LSM2: variants seen among roughly 807,000 people sequenced by gnomAD.
LSM2 encodes the protein LSM2 homolog, U6 small nuclear RNA and mRNA degradation associated, also known as U6 snRNA-associated Sm-like protein LSm2.
Under a neutral mutation model 17.0 loss-of-function variants are expected in LSM2, and 12 were observed. The ratio of observed to expected loss-of-function variants is 0.70; its 90% CI spans 0.45 to 1.14. LSM2 has a LOEUF of 1.14. Ranked by LOEUF, LSM2 falls within the 50% of genes most tolerant of loss-of-function variation. The probability of loss-of-function intolerance (pLI) is 0.00; values close to 1 mark genes in which losing one functional copy is unlikely to be tolerated. For missense variants in LSM2, 62 were observed against 111.8 expected (o/e 0.55, Z 2.01); for synonymous variants, 42 against 44.5 (o/e 0.94, Z 0.22).
rs984587744 is a variant in LSM2 at position 31,797,792 on chromosome 6, C to T, written c.253G>A (p.Ala85Thr). The T allele has an allele frequency of 2.5e-6, 4 of 1,612,920 alleles. No homozygotes were observed. The South Asian group carries it at 4.4e-5, about 18-fold the overall frequency. Reference protein sequence around the residue: ...DEVDTQLLQDAARKEALQQKQ With the variant: ...DEVDTQLLQDTARKEALQQKQ ...TGCTGCAGGGCTTCCTTCCTTGCCG[C>T]ATCCTGTAGCAACTGTGTGTCGACC... Residue 85 changes from alanine to threonine, a missense_variant, in exon 5 of 5, where the codon GCG becomes ACG. Physicochemically the swap from Ala to Thr is moderately conservative, Grantham distance 58. Coordinates refer to ENST00000375661, the MANE Select transcript of LSM2 (RefSeq NM_021177.5).
chr6:31,806,860 G>A lies in LSM2; in HGVS notation c.-103C>T, dbSNP rs1274648070. ...CGAGCCCGCGCGTGGGGCGAGGCGGGACCGCGCAGGCGCAGCGGGAAGCGA... is the reference window on the plus strand; with the variant it reads ...CGAGCCCGCGCGTGGGGCGAGGCGGAACCGCGCAGGCGCAGCGGGAAGCGA... On this transcript the variant is annotated 5_prime_UTR_variant, in exon 1 of 5. Transcript: ENST00000375661. 3 of 1,417,968 alleles carry A rather than the reference G, an allele frequency of 2.1e-6. No homozygotes were observed. Among genetic ancestry groups the A allele is most frequent in the East Asian group, 2.5e-5 (1 of 40,176 alleles). 87.8% of individuals were successfully genotyped at this position (1,417,968 alleles called of 1,614,324 possible). A position where few individuals can be genotyped will look rare whatever the true frequency, so the allele number is the denominator to read the frequency against.
chr6:31,804,308 C>T (rs1214280625), intron 2 of LSM2, among the ~76,000 whole-genome samples: 1 of 149,044 alleles, frequency 6.7e-6, no homozygotes, highest in Non-Finnish European at 1.5e-5. Context: ...TGCAGTGAGC[C>T]GAGATTACGC....
Position 31,806,139 on chromosome 6 carries a change from A to G in LSM2, c.7T>C (p.Phe3Leu). 1 of 1,612,884 alleles carries G rather than the reference A, an allele frequency of 6.2e-7. No homozygotes were observed. Among genetic ancestry groups the G allele is most frequent in the Non-Finnish European group, 8.5e-7 (1 of 1,179,878 alleles). The change falls in exon 2 of 5, where the codon TTC (phenylalanine) becomes CTC (leucine). Residue 3 changes from phenylalanine to leucine, a missense_variant. Phe to Leu is a conservative substitution (Grantham distance 22). Transcript: ENST00000375661. ...ACAAGGGACTTGAAAAAAGAATAGA[A>G]GAGCTATTGGGAGAGAGGGGGAAAA... MLFYSFFKSLVGK... is the reference protein window; with the variant it reads MLLYSFFKSLVGK...
chr6:31,798,733 CT>C (rs9281580), intron 2 of LSM2, among the ~76,000 whole-genome samples: 4,234 of 89,742 alleles, frequency 0.047, 26 homozygotes, highest in Admixed American at 0.074. Flanking sequence ...CCAATCCATT[CT>C]TTTTTTTTTT....
At position 31,797,502 on chromosome 6, in the gene LSM2, G is replaced by A. The variant is rs150438857; in HGVS notation, c.*255C>T. ...AGGAAACTCTCCTACCATCTCCAGA[G>A]AAGTAGTGAGAAAGGCAGGTGCTGG... On this transcript the variant is annotated 3_prime_UTR_variant, in exon 5 of 5. Transcript: ENST00000375661. The A allele has an allele frequency of 7.3e-4, 372 of 509,230 alleles. 1 individual carries two copies. Among genetic ancestry groups the A allele is most frequent in the Middle Eastern group, 3.6e-3 (7 of 1,928 alleles). The allele number at this position is 509,230 out of a possible 1,614,324, so 31.5% of individuals were successfully genotyped here.
In LSM2 at chr6:31,806,776, A is replaced by T. The variant is rs767625878; in HGVS notation, c.-19T>A. The T allele has an allele frequency of 1.9e-6, 3 of 1,609,330 alleles. No homozygotes were observed. Among genetic ancestry groups the T allele is most frequent in the Non-Finnish European group, 2.5e-6 (3 of 1,178,614 alleles). ...CCACCATGGTGCTGGCGCCGCGGGC[A>T]GCGGGCCGGACCGGGAAGACAGCAG... On this transcript the variant is annotated 5_prime_UTR_variant, in exon 1 of 5. Transcript: ENST00000375661.
rs1246809210 is a variant in LSM2, at chr6:31,806,137, G to T, written c.9C>A (p.Phe3Leu). The T allele has an allele frequency of 1.9e-6, 3 of 1,612,862 alleles. No individual in the cohort carries two copies. Among genetic ancestry groups the T allele is most frequent in the South Asian group, 1.1e-5 (1 of 91,072 alleles). Residue 3 changes from phenylalanine (F) to leucine (L), a missense_variant, in exon 2 of 5, where the codon TTC (phenylalanine) becomes TTA (leucine). Transcript: ENST00000375661. MLFYSFFKSLVGK... is the reference protein window; with the variant it reads MLLYSFFKSLVGK... ...CCACAAGGGACTTGAAAAAAGAATA[G>T]AAGAGCTATTGGGAGAGAGGGGGAA...
intron 1 of LSM2, 54 bp downstream of exon 1, chr6:31,806,701 C>G: frequency 6.2e-7 from 1 of 1,601,060 alleles, no homozygotes; most frequent in African/African-American, 1.3e-5. Context: ...AGATCCCCCG[C>G]CCCAACCATG....
chr6:31,798,651 T>C, intron 2 of LSM2, 144 bp from the exon 3 acceptor site: 1 of 802,118 alleles, frequency 1.2e-6, no homozygotes, highest in Non-Finnish European at 2.0e-6. Flanking sequence ...AAGGGGGCAT[T>C]CCTAAGCCCT....
At chr6:31,798,905 T>C (rs985316966) in intron 2 of LSM2, among the ~76,000 whole-genome samples, 1 of 151,878 alleles carries the variant, frequency 6.6e-6, no homozygotes, top group Admixed American at 6.6e-5. Flanking sequence ...CCCGGCTAAT[T>C]TTTTATTTTT....
rs1447149144 is a variant in LSM2, at chr6:31,806,139, A to C, written c.7T>G (p.Phe3Val). 6.2e-7 allele frequency: 1 copy of C among 1,612,884 alleles called. No homozygotes were observed. ML[F>V]YSFFKSLVGK... ...ACAAGGGACTTGAAAAAAGAATAGA[A>C]GAGCTATTGGGAGAGAGGGGGAAAA... is the stretch of plus-strand genomic sequence containing the variant. The change falls in exon 2 of 5, where the codon TTC (phenylalanine) becomes GTC (valine). Residue 3 changes from phenylalanine (F) to valine (V), a missense_variant. By Grantham distance (50) the Phe-to-Val change is conservative. Coordinates refer to ENST00000375661, the MANE Select transcript of LSM2 (RefSeq NM_021177.5).
chr6:31,801,473 C>T (rs55817448), intron 2 of LSM2, among the ~76,000 whole-genome samples: 1 of 152,122 alleles, frequency 6.6e-6, no homozygotes, highest in Non-Finnish European at 1.5e-5. Flanking sequence ...ATACATAGCA[C>T]AAAAGTGGTC....
At position 31,797,739 on chromosome 6, in the gene LSM2, G is replaced by A. The variant is rs1339692563; in HGVS notation, c.*18C>T. ...TGGGTCACCAATGAAAGAGGGAGGG[G>A]AAGAGGAGGAGGAGCCATCACTGTT... is the stretch of plus-strand genomic sequence containing the variant. On this transcript the variant is annotated 3_prime_UTR_variant, in exon 5 of 5. Transcript: ENST00000375661. 1.2e-6 allele frequency: 2 copies of A among 1,612,164 alleles called. No homozygotes were observed. The highest frequency in any genetic ancestry group is 3.3e-5 in the Admixed American group (2 of 60,000).
At chr6:31,800,346 A>C (rs1427239793) in intron 2 of LSM2, among the ~76,000 whole-genome samples, 1 of 152,072 alleles carries the variant, frequency 6.6e-6, no homozygotes, top group Admixed American at 6.6e-5. Flanking sequence ...AAGAAAAATA[A>C]ATAAATAAAA....
At chr6:31,800,952 A>G (rs1009525998) in intron 2 of LSM2, among the ~76,000 whole-genome samples, 2 of 151,674 alleles carry the variant, frequency 1.3e-5, no homozygotes, top group Non-Finnish European at 1.5e-5. Context: ...GCTACTCAGG[A>G]GGTGAGGCAC....
In LSM2 at chr6:31,797,467, G is replaced by A. The variant is rs1323188643; in HGVS notation, c.*290C>T. On this transcript the variant is annotated 3_prime_UTR_variant, in exon 5 of 5. Transcript: ENST00000375661. ...CCCCAAATGAATCACATGCTGCCCT[G>A]GAAAGACCTAGGAAACTCTCCTACC... 7.5e-6 allele frequency: 3 copies of A among 401,366 alleles called. No individual in the cohort carries two copies. The highest frequency in any genetic ancestry group is 1.4e-5 in the Non-Finnish European group (3 of 221,704). The allele number at this position is 401,366 out of a possible 1,614,324, so 24.9% of individuals were successfully genotyped here.
At chr6:31,798,820 TC>T (rs1466009917) in intron 2 of LSM2, among the ~76,000 whole-genome samples, 3 of 133,552 alleles carry the variant, frequency 2.2e-5, no homozygotes, top group Non-Finnish European at 4.6e-5. Flanking sequence ...CACTGCAACC[TC>T]TGCCTCCCAG....
chr6:31,803,498 T>C (rs146616474), intron 2 of LSM2, among the ~76,000 whole-genome samples: 2 of 151,958 alleles, frequency 1.3e-5, no homozygotes, highest in African/African-American at 2.4e-5. Flanking sequence ...AAAATAAATG[T>C]GGAAGACGCT....
chr6:31,806,226 G>T, intron 1 of LSM2, 84 bp from the exon 2 acceptor site: 8 of 1,243,240 alleles, frequency 6.4e-6, no homozygotes, highest in African/African-American at 1.5e-5. Flanking sequence ...CCAAATACTG[G>T]TATTGTGAAC....
Sources: gnomAD v4.1 joint callset for allele counts (sites outside exome capture counted in the v4.1 genomes callset) on GRCh38, gnomAD v4.1.1 for gene constraint, MANE v1.5 for transcripts, NCBI Gene and HGNC (gene_info 2026-07-23, HGNC 2026-07-21) for gene names.